Variants in CACNG2 observed in about 807,000 individuals in gnomAD.
CACNG2 encodes calcium voltage-gated channel auxiliary subunit gamma 2.
Under a neutral mutation model 25.9 loss-of-function variants are expected in CACNG2, and 3 were observed. That is an observed-to-expected ratio of 0.12 (90% CI 0.05 to 0.30). CACNG2 has a LOEUF of 0.30. Among genes scored for constraint, CACNG2 ranks in the 10% least tolerant of loss-of-function variants. CACNG2 has a pLI of 1.00. For synonymous variants in CACNG2, 167 were observed against 173.3 expected (o/e 0.96, Z 0.29); for missense variants, 341 against 432.5 (o/e 0.79, Z 1.88).
At chr22:36,692,699 C>T (rs893203629) in intron 1 of CACNG2, among the ~76,000 whole-genome samples, 16 of 152,318 alleles carry the variant, frequency 1.1e-4, no homozygotes, top group African/African-American at 3.6e-4. Flanking sequence ...TGACACCTAG[C>T]TCCCAAGCAC....
At chr22:36,662,737 T>C (rs1936818014) in intron 1 of CACNG2, among the ~76,000 whole-genome samples, 2 of 152,150 alleles carry the variant, frequency 1.3e-5, no homozygotes, top group Admixed American at 1.3e-4. Context: ...ACATTTTCTG[T>C]CTCCTGGGCA....
chr22:36,592,252 G>T lies in CACNG2; in HGVS notation c.212-4704C>A, dbSNP rs116143483. Among the ~76,000 whole-genome samples, 118 of 149,148 alleles carry T rather than the reference G, an allele frequency of 7.9e-4. 2 individuals are homozygous for T. The highest frequency in any genetic ancestry group is 5.2e-4 in the African/African-American group (21 of 40,290). On this transcript the variant is annotated intron_variant, in intron 1 of 3. Transcript: ENST00000300105. ...TGCAAAGGCGGGGGTGGGGGGTGGA[G>T]CGGGGAGGGCAGTCAATGCTTTTGA...
At chr22:36,611,741 T>A (rs563587095) in intron 1 of CACNG2, among the ~76,000 whole-genome samples, 1 of 152,318 alleles carries the variant, frequency 6.6e-6, no homozygotes, top group South Asian at 2.1e-4. Flanking sequence ...GTTCTAGCAC[T>A]GTGGCCGGCG....
intron 2 of CACNG2, among the ~76,000 whole-genome samples, chr22:36,575,067 G>T (rs1010864166): frequency 1.3e-5 from 2 of 152,154 alleles, no homozygotes; most frequent in African/African-American, 4.8e-5. Flanking sequence ...AAGACCTTGG[G>T]CAAATAATAG....
chr22:36,569,587 T>A lies in CACNG2; in HGVS notation c.296-3094A>T, dbSNP rs1235055833. On this transcript the variant is annotated intron_variant, in intron 2 of 3. Transcript: ENST00000300105. ...CAGAGTCTTGCTCTATACCCCAGGC[T>A]GGAGTGCAGTGGCGTGATCTTGACT... Among the ~76,000 whole-genome samples, 3 of 152,258 alleles carry A rather than the reference T, an allele frequency of 2.0e-5. No homozygotes were observed. In the East Asian group the frequency reaches 5.8e-4, roughly 29 times the overall value.
At chr22:36,604,591 C>T (rs1403199052) in intron 1 of CACNG2, among the ~76,000 whole-genome samples, 1 of 152,292 alleles carries the variant, frequency 6.6e-6, no homozygotes, top group Non-Finnish European at 1.5e-5. Flanking sequence ...TCAGCAACCA[C>T]CACCCTGGTC....
intron 1 of CACNG2, among the ~76,000 whole-genome samples, chr22:36,607,458 G>A (rs370923858): frequency 3.3e-5 from 5 of 152,208 alleles, no homozygotes; most frequent in African/African-American, 1.2e-4. Context: ...GTTTCATCAC[G>A]TTTCCCAGGC....
rs11445356 is a variant in CACNG2 at position 36,570,762 on chromosome 22, C to CAA, written c.296-4271_296-4270dup. 8.6e-3 allele frequency among the ~76,000 whole-genome samples: 548 copies of CAA among 63,874 alleles called. 11 individuals carry two copies. Among genetic ancestry groups the CAA allele is most frequent in the African/African-American group, 0.024 (460 of 19,348 alleles). The allele number at this position is 63,874 out of a possible 152,430, so 41.9% of individuals were successfully genotyped here. A position where few individuals can be genotyped will look rare whatever the true frequency, so the allele number is the denominator to read the frequency against. ...TGGGCAACAGAGCAAGACTCCATCT[C>CAA]AAAAAAAAAAAAAAAAAAAAAGGCA... On this transcript the variant is annotated intron_variant, in intron 2 of 3. Coordinates refer to ENST00000300105, the MANE Select transcript of CACNG2 (RefSeq NM_006078.5).
intron 1 of CACNG2, among the ~76,000 whole-genome samples, chr22:36,589,955 A>G (rs1276806643): frequency 2.6e-5 from 4 of 152,190 alleles, no homozygotes; most frequent in Admixed American, 6.5e-5. Flanking sequence ...TTTCAATTCA[A>G]TCTGACAAAT....
chr22:36,580,717 T>C (rs1935401016), intron 2 of CACNG2, among the ~76,000 whole-genome samples: 1 of 151,982 alleles, frequency 6.6e-6, no homozygotes, highest in Non-Finnish European at 1.5e-5. Flanking sequence ...GATTTTGGGG[T>C]CTGGCACACA....
intron 1 of CACNG2, among the ~76,000 whole-genome samples, chr22:36,643,343 A>G (rs1396551514): frequency 6.7e-6 from 1 of 150,274 alleles, no homozygotes; most frequent in Non-Finnish European, 1.5e-5. Flanking sequence ...TCTCTCTCCA[A>G]TAAATATTTC....
chr22:36,571,880 A>G (rs1167173781), intron 2 of CACNG2, among the ~76,000 whole-genome samples: 2 of 139,716 alleles, frequency 1.4e-5, no homozygotes, highest in African/African-American at 5.9e-5. Flanking sequence ...CTGTCTCAAA[A>G]ACAAAAAAAA....
At position 36,605,481 on chromosome 22, in the gene CACNG2, C is replaced by T. The variant is rs78006101; in HGVS notation, c.212-17933G>A. ...TCCAGAACCGAATCCTCAGTATCTC[C>T]CAAGTCTGCCTGTATGAGAGAGGCA... On this transcript the variant is annotated intron_variant, in intron 1 of 3. Transcript: ENST00000300105. 5.4e-3 allele frequency among the ~76,000 whole-genome samples: 818 copies of T among 152,258 alleles called. 9 individuals are homozygous for T. Among genetic ancestry groups the T allele is most frequent in the African/African-American group, 0.019 (799 of 41,534 alleles).
chr22:36,624,838 G>C (rs1405117949), intron 1 of CACNG2, among the ~76,000 whole-genome samples: 1 of 151,876 alleles, frequency 6.6e-6, no homozygotes, highest in African/African-American at 2.4e-5. Context: ...GACCATCCTG[G>C]CCAACATGGT....
intron 1 of CACNG2, among the ~76,000 whole-genome samples, chr22:36,674,253 C>G (rs1936993826): frequency 6.6e-6 from 1 of 152,230 alleles, no homozygotes; most frequent in Admixed American, 6.5e-5. Flanking sequence ...TTCACCTCTC[C>G]CACCTCCCAC....
At chr22:36,679,626 G>T (rs1234007600) in intron 1 of CACNG2, among the ~76,000 whole-genome samples, 1 of 152,160 alleles carries the variant, frequency 6.6e-6, no homozygotes, top group Non-Finnish European at 1.5e-5. Context: ...TTGGTTGAGG[G>T]AAGACTGGAG....
intron 1 of CACNG2, among the ~76,000 whole-genome samples, chr22:36,589,002 T>TC (rs57782698): frequency 9.9e-5 from 14 of 141,048 alleles, no homozygotes; most frequent in Admixed American, 3.5e-4. Flanking sequence ...TTTTTTTTTT[T>TC]CCCCCTGAAA....
Position 36,564,949 on chromosome 22 carries a change from C to A in CACNG2, c.437-63G>T. On this transcript the variant is annotated intron_variant, in intron 3 of 3. Transcript: ENST00000300105. The surrounding 1 kb of genome is among the most constrained non-coding windows in gnomAD (Gnocchi z 6.7). ...GAAGGACGTTAGTTTCTCAGGAAGTCGGCCACAGGGCAGCCGTAAAGGACG... is the reference window on the plus strand; with the variant it reads ...GAAGGACGTTAGTTTCTCAGGAAGTAGGCCACAGGGCAGCCGTAAAGGACG... The A allele has an allele frequency of 6.7e-7, 1 of 1,491,810 alleles. No individual in the cohort carries two copies. The highest frequency in any genetic ancestry group is 1.1e-5 in the South Asian group (1 of 88,716). 92.4% of individuals were successfully genotyped at this position (1,491,810 alleles called of 1,614,324 possible).
In CACNG2 at chr22:36,703,589, G is replaced by T; in HGVS notation, c.-1013C>A. 1 of 152,236 alleles carries T rather than the reference G, an allele frequency of 6.6e-6. No homozygotes were observed. Among genetic ancestry groups the T allele is most frequent in the Non-Finnish European group, 1.5e-5 (1 of 68,340 alleles). 9.4% of individuals were successfully genotyped at this position (152,236 alleles called of 1,614,324 possible). A position where few individuals can be genotyped will look rare whatever the true frequency, so the allele number is the denominator to read the frequency against. On this transcript the variant is annotated 5_prime_UTR_variant, in exon 1 of 4. It adds an upstream start codon to the 5' untranslated region. Coordinates refer to ENST00000300105, the MANE Select transcript of CACNG2 (RefSeq NM_006078.5). ...CCGCGCGCTCCCCGGCTGGCTCCCA[G>T]GGCCGCCCGCCAGGAGGGGGGCGCT... is the stretch of plus-strand genomic sequence containing the variant.
Sources: allele counts gnomAD v4.1 joint callset (sites outside exome capture counted in the v4.1 genomes callset), GRCh38; gene constraint gnomAD v4.1.1; non-coding constraint Gnocchi (gnomAD v3.1); transcripts MANE v1.5; gene names NCBI Gene and HGNC (gene_info 2026-07-23, HGNC 2026-07-21).